CASQ2: variants seen among roughly 807,000 people sequenced by gnomAD.
CASQ2 encodes calsequestrin 2, also known as calsequestrin-2.
CASQ2 carries 49 observed loss-of-function variants against 46.5 expected under a neutral mutation model. The observed-to-expected ratio is 1.05, with a 90% CI of 0.84 to 1.34. The LOEUF (loss-of-function observed/expected upper bound fraction) is 1.34. Among genes scored for constraint, CASQ2 ranks in the 40% most tolerant of loss-of-function variants. The pLI, the probability that CASQ2 is intolerant of heterozygous loss-of-function variation, is 0.00. For synonymous variants in CASQ2, 174 were observed against 168.5 expected, an observed-to-expected ratio of 1.03 and a Z score of -0.25; for missense variants, 486 against 481.3, an observed-to-expected ratio of 1.01 and a Z score of -0.09.
At chr1:115,711,593 A>ATTT (rs58007618) in intron 8 of CASQ2, among the ~76,000 whole-genome samples, 70 of 147,620 alleles carry the variant, frequency 4.7e-4, no homozygotes, top group African/African-American at 1.6e-3. Context: ...TCATTTTAAG[A>ATTT]TTTTTTTTTT....
rs1476784370 is a variant in CASQ2 at position 115,759,505 on chromosome 1, C to T, written c.234+8803G>A. On this transcript the variant is annotated intron_variant, in intron 1 of 10. Coordinates refer to ENST00000261448, the MANE Select transcript of CASQ2 (RefSeq NM_001232.4). ...GAGTTGAAGCAGCACGAGGCCTTCA[C>T]CAGATGCAGCTGCCAATTTTGAACT... Among the ~76,000 whole-genome samples, 4 of 152,208 alleles carry T rather than the reference C, an allele frequency of 2.6e-5. No individual in the cohort carries two copies. In the South Asian group the frequency reaches 6.2e-4, roughly 24 times the overall value.
At chr1:115,734,144 A>C (rs540847643) in intron 4 of CASQ2, among the ~76,000 whole-genome samples, 2 of 152,254 alleles carry the variant, frequency 1.3e-5, no homozygotes, top group African/African-American at 4.8e-5. Context: ...GCAGGTAGTC[A>C]GAAAAGATAT....
At chr1:115,735,250 C>G (rs1357095912) in intron 4 of CASQ2, among the ~76,000 whole-genome samples, 1 of 152,242 alleles carries the variant, frequency 6.6e-6, no homozygotes, top group Non-Finnish European at 1.5e-5. Context: ...ACCTGTATAA[C>G]TCCTTCTCTT....
intron 1 of CASQ2, among the ~76,000 whole-genome samples, chr1:115,754,665 T>G (rs919363093): frequency 1.3e-5 from 2 of 152,196 alleles, no homozygotes; most frequent in African/African-American, 4.8e-5. Flanking sequence ...AGCCCGAACT[T>G]TCATCTGTTA....
chr1:115,765,146 C>A (rs759417420), intron 1 of CASQ2, among the ~76,000 whole-genome samples: 1 of 152,170 alleles, frequency 6.6e-6, no homozygotes, highest in Non-Finnish European at 1.5e-5. Context: ...GTTACAGCAA[C>A]CTCCCTGCAC....
At chr1:115,719,764 T>C (rs1413351068) in intron 7 of CASQ2, among the ~76,000 whole-genome samples, 1 of 152,274 alleles carries the variant, frequency 6.6e-6, no homozygotes, top group Admixed American at 6.5e-5. Flanking sequence ...GAGGAATAGC[T>C]GTGCTGACTT....
chr1:115,763,057 G>T (rs9428088), intron 1 of CASQ2, among the ~76,000 whole-genome samples: 79,207 of 151,986 alleles, frequency 0.52, 21,586 homozygotes, highest in South Asian at 0.61. Context: ...TGTGAACTTG[G>T]CTCAGTTTGC....
chr1:115,764,375 A>G (rs1649064430), intron 1 of CASQ2, among the ~76,000 whole-genome samples: 1 of 152,256 alleles, frequency 6.6e-6, no homozygotes, highest in Non-Finnish European at 1.5e-5. Context: ...ATAATTCCCA[A>G]TTGAAAAATG....
intron 7 of CASQ2, among the ~76,000 whole-genome samples, chr1:115,718,348 G>A (rs1337016205): frequency 1.3e-5 from 2 of 152,212 alleles, no homozygotes; most frequent in Non-Finnish European, 2.9e-5. Flanking sequence ...GGCAGATAGA[G>A]TCAGTGATAC....
At chr1:115,760,745 G>T (rs1276308334) in intron 1 of CASQ2, among the ~76,000 whole-genome samples, 2 of 152,142 alleles carry the variant, frequency 1.3e-5, no homozygotes, top group African/African-American at 4.8e-5. Flanking sequence ...TCCTTATGTG[G>T]TTCTAATATG....
chr1:115,754,775 A>G (rs1648702852), intron 1 of CASQ2, among the ~76,000 whole-genome samples: 1 of 152,160 alleles, frequency 6.6e-6, no homozygotes, highest in Non-Finnish European at 1.5e-5. Flanking sequence ...AACTTAACTG[A>G]TCTTCAATTT....
intron 1 of CASQ2, among the ~76,000 whole-genome samples, chr1:115,766,111 T>C (rs1649124922): frequency 6.6e-6 from 1 of 152,160 alleles, no homozygotes; most frequent in South Asian, 2.1e-4. Context: ...GAGCAGCGCC[T>C]CCAGGCCATG....
intron 7 of CASQ2, 55 bp downstream of exon 7, chr1:115,725,453 C>T (rs2101077046): frequency 1.3e-6 from 2 of 1,596,042 alleles, no homozygotes; most frequent in East Asian, 4.5e-5. Context: ...AGAAGCACTC[C>T]TCTTTGGGAC....
chr1:115,755,402 A>G (rs1445994119), intron 1 of CASQ2, among the ~76,000 whole-genome samples: 3 of 152,150 alleles, frequency 2.0e-5, no homozygotes, highest in Non-Finnish European at 2.9e-5. Flanking sequence ...GGAGCCAGAG[A>G]GATCATCCCT....
chr1:115,711,244 G>A (rs1394002168), intron 8 of CASQ2, among the ~76,000 whole-genome samples: 1 of 152,190 alleles, frequency 6.6e-6, no homozygotes, highest in Admixed American at 6.5e-5. Flanking sequence ...GAGCTTGGGA[G>A]GGCCAAGCTC....
chr1:115,746,343 G>A (rs554599284), intron 1 of CASQ2, among the ~76,000 whole-genome samples: 2 of 152,228 alleles, frequency 1.3e-5, no homozygotes, highest in South Asian at 2.1e-4. Flanking sequence ...TGAGATAAAT[G>A]TCTAATAGTA....
chr1:115,713,618 T>A (rs765776461), intron 8 of CASQ2, among the ~76,000 whole-genome samples: 11 of 152,156 alleles, frequency 7.2e-5, no homozygotes, highest in Non-Finnish European at 1.5e-4. Flanking sequence ...TGCTGTGTAA[T>A]CTTAGATCCC....
intron 5 of CASQ2, among the ~76,000 whole-genome samples, chr1:115,729,035 CTTTTTTTT>C (rs753965730): frequency 4.4e-5 from 3 of 68,860 alleles, no homozygotes; most frequent in Admixed American, 1.7e-4. Context: ...CTCTTTCATT[CTTTTTTTT>C]TTTTTTTTTT....
At chr1:115,713,797 G>A (rs751216955) in intron 8 of CASQ2, among the ~76,000 whole-genome samples, 4 of 152,174 alleles carry the variant, frequency 2.6e-5, no homozygotes, top group Non-Finnish European at 4.4e-5. Flanking sequence ...ACTGGCTGGG[G>A]CATTGTTTGG....
Sources: allele counts gnomAD v4.1 joint callset (sites outside exome capture counted in the v4.1 genomes callset), GRCh38; gene constraint gnomAD v4.1.1; transcripts MANE v1.5; gene names NCBI Gene and HGNC (gene_info 2026-07-23, HGNC 2026-07-21).